The following LDB2 variants were observed in gnomAD, a reference collection of about 807,000 sequenced individuals.
LDB2 encodes the protein LIM domain binding 2.
In LDB2, 12 loss-of-function variants were observed where a neutral mutation model predicts 44.3. The observed-to-expected ratio is 0.27, with a 90% CI of 0.17 to 0.44. The LOEUF is 0.44. LDB2 is among the 20% of genes least tolerant of loss of function. LDB2 has a pLI of 1.00. For missense variants in LDB2, 344 were observed against 473.5 expected (o/e 0.73, Z 2.54); for synonymous variants, 164 against 174.8 (o/e 0.94, Z 0.49).
At chr4:16,862,562 A>T (rs917662522) in intron 1 of LDB2, among the ~76,000 whole-genome samples, 12 of 139,350 alleles carry the variant, frequency 8.6e-5, no homozygotes, top group African/African-American at 2.4e-4. Flanking sequence ...GAACCCCGGA[A>T]GTGGAGGTTG....
chr4:16,717,003 G>C (rs915130931), intron 2 of LDB2, among the ~76,000 whole-genome samples: 6 of 151,900 alleles, frequency 3.9e-5, no homozygotes, highest in Non-Finnish European at 8.8e-5. Context: ...AATAAGTAAT[G>C]GTGCAGATAA....
intron 2 of LDB2, among the ~76,000 whole-genome samples, chr4:16,601,229 G>A (rs1722494945): frequency 6.6e-6 from 1 of 152,110 alleles, no homozygotes. Context: ...AGTCTGTTAG[G>A]TGGGACTCTA....
intron 1 of LDB2, among the ~76,000 whole-genome samples, chr4:16,895,694 A>C (rs1446716020): frequency 6.6e-6 from 1 of 152,148 alleles, no homozygotes; most frequent in Non-Finnish European, 1.5e-5. Flanking sequence ...GCTTTGGCTA[A>C]ATTCTCAAAG....
At chr4:16,744,623 C>G (rs949575791) in intron 2 of LDB2, among the ~76,000 whole-genome samples, 1 of 152,070 alleles carries the variant, frequency 6.6e-6, no homozygotes, top group Non-Finnish European at 1.5e-5. Context: ...TACAGGTGCC[C>G]GCCACCATGC....
intron 1 of LDB2, among the ~76,000 whole-genome samples, chr4:16,769,090 G>A (rs1404590472): frequency 1.3e-5 from 2 of 152,084 alleles, no homozygotes; most frequent in Non-Finnish European, 1.5e-5. Flanking sequence ...TGCACTGAAC[G>A]TTTGGGTCTC....
At chr4:16,565,588 T>C (rs922546153) in intron 5 of LDB2, among the ~76,000 whole-genome samples, 13 of 152,052 alleles carry the variant, frequency 8.5e-5, no homozygotes, top group African/African-American at 3.1e-4. Flanking sequence ...AAGAGAAGGA[T>C]GTTAATTATC....
intron 1 of LDB2, among the ~76,000 whole-genome samples, chr4:16,841,282 C>G (rs1471379404): frequency 6.6e-6 from 1 of 152,148 alleles, no homozygotes; most frequent in Non-Finnish European, 1.5e-5. Context: ...ATACTAAGGT[C>G]TATTTTAGCA....
chr4:16,690,842 A>C (rs1468884096), intron 2 of LDB2, among the ~76,000 whole-genome samples: 1 of 152,128 alleles, frequency 6.6e-6, no homozygotes, highest in Non-Finnish European at 1.5e-5. Flanking sequence ...TCCATTGTTG[A>C]CTGAATTCTA....
chr4:16,802,485 G>C (rs796182193), intron 1 of LDB2, among the ~76,000 whole-genome samples: 9 of 152,174 alleles, frequency 5.9e-5, no homozygotes, highest in African/African-American at 2.2e-4. Context: ...TCTTGCTAGA[G>C]AGCTGCATCT....
intron 1 of LDB2, among the ~76,000 whole-genome samples, chr4:16,813,235 C>T (rs1478136976): frequency 6.6e-6 from 1 of 152,138 alleles, no homozygotes; most frequent in African/African-American, 2.4e-5. Context: ...ATTCACCTGC[C>T]TCAGCCTCCC....
intron 2 of LDB2, among the ~76,000 whole-genome samples, chr4:16,599,475 C>T (rs1331750373): frequency 3.9e-5 from 6 of 152,064 alleles, no homozygotes; most frequent in African/African-American, 1.4e-4. Context: ...TCTCAAGATC[C>T]TTAACTTATC....
intron 1 of LDB2, among the ~76,000 whole-genome samples, chr4:16,882,826 A>G (rs1028608547): frequency 6.6e-6 from 1 of 152,212 alleles, no homozygotes; most frequent in Non-Finnish European, 1.5e-5. Context: ...GATCATTTCC[A>G]TGCAGTTTAA....
intron 2 of LDB2, among the ~76,000 whole-genome samples, chr4:16,630,713 C>A (rs185984539): frequency 3.7e-4 from 56 of 152,236 alleles, no homozygotes; most frequent in Admixed American, 3.4e-3. Context: ...CAAAGATGCA[C>A]ATAGGCTCAA....
intron 2 of LDB2, among the ~76,000 whole-genome samples, chr4:16,628,560 G>A (rs1203965983): frequency 6.6e-6 from 1 of 151,878 alleles, no homozygotes; most frequent in Admixed American, 6.6e-5. Flanking sequence ...GTCCTCTGGT[G>A]AGTTAAATCT....
At chr4:16,546,292 A>T (rs1266643469) in intron 5 of LDB2, among the ~76,000 whole-genome samples, 1 of 152,242 alleles carries the variant, frequency 6.6e-6, no homozygotes, top group Non-Finnish European at 1.5e-5. Context: ...TCTACGTTTG[A>T]AGGCGCAATT....
chr4:16,780,203 G>A (rs1772877915), intron 1 of LDB2, among the ~76,000 whole-genome samples: 1 of 152,126 alleles, frequency 6.6e-6, no homozygotes. Flanking sequence ...ACACAGAAGT[G>A]AGATGATTTC....
intron 2 of LDB2, among the ~76,000 whole-genome samples, chr4:16,699,367 C>T (rs1752907647): frequency 6.6e-6 from 1 of 152,178 alleles, no homozygotes; most frequent in Non-Finnish European, 1.5e-5. Context: ...GTAAATCCTG[C>T]TACAGACTTC....
intron 2 of LDB2, among the ~76,000 whole-genome samples, chr4:16,608,489 G>A (rs1209505851): frequency 6.6e-6 from 1 of 152,176 alleles, no homozygotes; most frequent in Non-Finnish European, 1.5e-5. Flanking sequence ...GGCACCAGCT[G>A]TGGGGTATGA....
chr4:16,831,174 C>CTTTTTTTTTT (rs370309653), intron 1 of LDB2, among the ~76,000 whole-genome samples: 3 of 126,750 alleles, frequency 2.4e-5, no homozygotes, highest in Non-Finnish European at 4.8e-5. Context: ...CCTCTCTGAG[C>CTTTTTTTTTT]TTTTTTTTTT....
Sources: gnomAD v4.1 joint callset for allele counts (sites outside exome capture counted in the v4.1 genomes callset) on GRCh38, gnomAD v4.1.1 for gene constraint, MANE v1.5 for transcripts, NCBI Gene and HGNC (gene_info 2026-07-23, HGNC 2026-07-21) for gene names.